Variants in CDH13 observed in about 807,000 individuals in gnomAD.
The protein encoded by CDH13 is cadherin 13.
Under a neutral mutation model 63.8 loss-of-function variants are expected in CDH13, and 24 were observed. The ratio of observed to expected loss-of-function variants is 0.38; its 90% confidence interval spans 0.27 to 0.53. CDH13 has a LOEUF of 0.53. Ranked by LOEUF, CDH13 falls within the 20% of genes least tolerant of loss-of-function variation. The probability of loss-of-function intolerance (pLI) is 0.85; values close to 1 mark genes in which losing one functional copy is unlikely to be tolerated. For synonymous variants in CDH13, 503 were observed against 355.3 expected (o/e 1.42, Z -4.67); for missense variants, 1,049 against 903.1 (o/e 1.16, Z -2.07).
chr16:82,988,150 G>T lies in CDH13; in HGVS notation c.158-43860G>T, dbSNP rs191089774. On this transcript the variant is annotated intron_variant, in intron 2 of 13. Coordinates refer to ENST00000567109, the MANE Select transcript of CDH13 (RefSeq NM_001257.5). ...AACCAAAGCAATATAACCCAGGGTC[G>T]TGTGTGTACATGCATATGTGGTGTG... Among the ~76,000 whole-genome samples the T allele has an allele frequency of 2.2e-4, 33 of 152,250 alleles. 1 individual carries two copies. Among genetic ancestry groups the T allele is most frequent in the Admixed American group, 2.0e-3 (30 of 15,308 alleles).
intron 10 of CDH13, among the ~76,000 whole-genome samples, chr16:83,729,843 C>T (rs140550188): frequency 1.3e-5 from 2 of 152,326 alleles, no homozygotes; most frequent in African/African-American, 2.4e-5. Context: ...TCTCAGCCAG[C>T]AGCAGCAAAT....
At chr16:83,644,663 A>T (rs1481860165) in intron 8 of CDH13, among the ~76,000 whole-genome samples, 1 of 152,182 alleles carries the variant, frequency 6.6e-6, no homozygotes, top group African/African-American at 2.4e-5. Context: ...CATACAGAGG[A>T]TGAGGTTCAT....
chr16:82,685,594 G>T (rs919900577), intron 1 of CDH13, among the ~76,000 whole-genome samples: 2 of 152,198 alleles, frequency 1.3e-5, no homozygotes, highest in Non-Finnish European at 2.9e-5. Flanking sequence ...GTTTGTGCCT[G>T]TGTGTGTGCA....
chr16:83,591,667 C>A (rs1906766851), intron 7 of CDH13, among the ~76,000 whole-genome samples: 3 of 152,208 alleles, frequency 2.0e-5, no homozygotes, highest in African/African-American at 2.4e-5. Flanking sequence ...AGCTCAGCTG[C>A]AGTCTTACAT....
At chr16:82,829,050 G>T (rs2549156) in intron 1 of CDH13, among the ~76,000 whole-genome samples, 30,576 of 152,022 alleles carry the variant, frequency 0.2, 4,675 homozygotes, top group East Asian at 0.85. Context: ...GGAATTCATG[G>T]ATATGAAACA....
chr16:82,924,022 C>G (rs894163563), intron 2 of CDH13, among the ~76,000 whole-genome samples: 1 of 152,172 alleles, frequency 6.6e-6, no homozygotes, highest in East Asian at 1.9e-4. Context: ...CTTGTAAGAA[C>G]TACTGATGGG....
chr16:82,977,314 C>T (rs1358492729), intron 2 of CDH13, among the ~76,000 whole-genome samples: 1 of 152,144 alleles, frequency 6.6e-6, no homozygotes, highest in Non-Finnish European at 1.5e-5. Context: ...AGGGTATTAA[C>T]CAGAAGCTTA....
intron 5 of CDH13, among the ~76,000 whole-genome samples, chr16:83,239,999 A>G (rs953011421): frequency 6.6e-6 from 1 of 152,168 alleles, no homozygotes; most frequent in African/African-American, 2.4e-5. Context: ...AAATATCTGT[A>G]AAGAGAGAAA....
intron 1 of CDH13, among the ~76,000 whole-genome samples, chr16:82,660,799 T>C (rs1394369593): frequency 6.6e-6 from 1 of 152,208 alleles, no homozygotes; most frequent in Admixed American, 6.5e-5. Context: ...CCTCGTTTTA[T>C]TTAGACGTCT....
chr16:83,226,134 C>T (rs1427679724), intron 5 of CDH13, among the ~76,000 whole-genome samples: 1 of 152,192 alleles, frequency 6.6e-6, no homozygotes, highest in Non-Finnish European at 1.5e-5. Flanking sequence ...CCTACCCCTG[C>T]ACCTCTGATC....
chr16:82,886,047 C>G (rs1357558312), intron 2 of CDH13, among the ~76,000 whole-genome samples: 3 of 152,054 alleles, frequency 2.0e-5, no homozygotes, highest in Non-Finnish European at 2.9e-5. Flanking sequence ...ATTATAAATG[C>G]AGTCATAAAT....
chr16:83,279,557 A>G (rs572051649), intron 5 of CDH13, among the ~76,000 whole-genome samples: 1 of 152,330 alleles, frequency 6.6e-6, no homozygotes. Flanking sequence ...CTTAAAGGTC[A>G]GGGGCAATTT....
intron 5 of CDH13, among the ~76,000 whole-genome samples, chr16:83,320,769 A>G (rs1431352784): frequency 6.6e-6 from 1 of 152,210 alleles, no homozygotes. Context: ...AGGAATGAGA[A>G]AAAGCACACA....
chr16:83,746,022 G>A lies in CDH13; in HGVS notation c.1539-2086G>A, dbSNP rs150125611. Among the ~76,000 whole-genome samples, 936 of 152,312 alleles carry A rather than the reference G, an allele frequency of 6.1e-3. 7 individuals carry two copies. Among genetic ancestry groups the A allele is most frequent in the African/African-American group, 0.02 (818 of 41,568 alleles). On this transcript the variant is annotated intron_variant, in intron 10 of 13. Transcript: ENST00000567109. Reference sequence around the variant, plus strand: ...ACCTGGGCCCACGTCCTGACTCTACGATTTGCGTAGCTGTTGGTTTGTGCC... The same window carrying A: ...ACCTGGGCCCACGTCCTGACTCTACAATTTGCGTAGCTGTTGGTTTGTGCC...
intron 11 of CDH13, among the ~76,000 whole-genome samples, chr16:83,779,440 T>TAAAAAAA (rs1915362976): frequency 1.1e-4 from 5 of 43,702 alleles, no homozygotes; most frequent in Non-Finnish European, 3.0e-4. Flanking sequence ...AAAAAAAAAG[T>TAAAAAAA]CTTATATATG....
Position 83,352,815 on chromosome 16 carries a change from G to A in CDH13, c.781+7809G>A, listed in dbSNP as rs574658125. On this transcript the variant is annotated intron_variant, in intron 6 of 13. Transcript: ENST00000567109. Reference sequence around the variant, plus strand: ...TGAGGTGGGAGAATGGCATGAACCCGGGAGGCGGAGTGTACAGTGAACCGA... The same window carrying A: ...TGAGGTGGGAGAATGGCATGAACCCAGGAGGCGGAGTGTACAGTGAACCGA... 8.3e-4 allele frequency among the ~76,000 whole-genome samples: 127 copies of A among 152,290 alleles called. 1 individual carries two copies. Among genetic ancestry groups the A allele is most frequent in the Admixed American group, 6.9e-3 (106 of 15,310 alleles).
intron 1 of CDH13, among the ~76,000 whole-genome samples, chr16:82,741,383 C>A (rs944989174): frequency 1.3e-5 from 2 of 152,208 alleles, no homozygotes; most frequent in African/African-American, 2.4e-5. Context: ...AACTTTACAA[C>A]GTCTGCACAT....
chr16:82,842,147 T>G lies in CDH13; in HGVS notation c.46-16215T>G, dbSNP rs796847146. 9.3e-5 allele frequency among the ~76,000 whole-genome samples: 2 copies of G among 21,440 alleles called. 1 individual carries two copies. The highest frequency in any genetic ancestry group is 2.3e-4 in the Non-Finnish European group (2 of 8,808). The allele number at this position is 21,440 out of a possible 152,430, so 14.1% of individuals were successfully genotyped here. A position where few individuals can be genotyped will look rare whatever the true frequency, so the allele number is the denominator to read the frequency against. ...ATATATATATATATATACACATATA[T>G]ATATATATATATATATACACACACA... On this transcript the variant is annotated intron_variant, in intron 1 of 13. Coordinates refer to ENST00000567109, the MANE Select transcript of CDH13 (RefSeq NM_001257.5).
chr16:82,964,103 A>G (rs896642413), intron 2 of CDH13, among the ~76,000 whole-genome samples: 6 of 152,144 alleles, frequency 3.9e-5, no homozygotes, highest in African/African-American at 1.4e-4. Context: ...CTGGAACAGG[A>G]GCACACGCCA....
Sources: gnomAD v4.1 joint callset for allele counts (sites outside exome capture counted in the v4.1 genomes callset) on GRCh38, gnomAD v4.1.1 for gene constraint, MANE v1.5 for transcripts, NCBI Gene and HGNC (gene_info 2026-07-23, HGNC 2026-07-21) for gene names.